C13orf46: variants seen among roughly 807,000 people sequenced by gnomAD.
C13orf46 encodes uncharacterized protein C13orf46.
rs2138976046 is a variant in C13orf46 at position 113,956,350 on chromosome 13, C to T, written c.*423G>A. ...AGTATCTGGTGGAGAGGAGTAGTAT[C>T]TGGTGGAGAGGAGGAGCATCTGGTG... On this transcript the variant is annotated 3_prime_UTR_variant, in exon 7 of 7. Coordinates refer to ENST00000636427, the MANE Select transcript of C13orf46 (RefSeq NM_001365455.2). 1 of 120,592 alleles carries T rather than the reference C, an allele frequency of 8.3e-6. No homozygotes were observed. Among genetic ancestry groups the T allele is most frequent in the South Asian group, 2.4e-4 (1 of 4,128 alleles). The allele number at this position is 120,592 out of a possible 1,614,324, so 7.5% of individuals were successfully genotyped here.
chr13:113,965,440 G>C (rs2052625919), intron 5 of C13orf46, among the ~76,000 whole-genome samples: 1 of 152,220 alleles, frequency 6.6e-6, no homozygotes, highest in Non-Finnish European at 1.5e-5. Context: ...CTACAGCAAA[G>C]ACATGGAGGA....
Position 113,955,110 on chromosome 13 carries a change from G to A in C13orf46, c.*1663C>T. ...GGGATGAGGAGCAGCTGGTGGAGAG[G>A]AGCAGCAGCTGGTGGAGACGAGGAG... On this transcript the variant is annotated 3_prime_UTR_variant, in exon 7 of 7. Coordinates refer to ENST00000636427, the MANE Select transcript of C13orf46 (RefSeq NM_001365455.2). 1 of 237,244 alleles carries A rather than the reference G, an allele frequency of 4.2e-6. No homozygotes were observed. The highest frequency in any genetic ancestry group is 4.4e-5 in the South Asian group (1 of 22,844). 14.7% of individuals were successfully genotyped at this position (237,244 alleles called of 1,614,324 possible).
chr13:113,938,766 G>A, the C13orf46 span, among the ~76,000 whole-genome samples: 2 of 152,184 alleles, frequency 1.3e-5, no homozygotes, highest in Non-Finnish European at 2.9e-5. Flanking sequence ...ACCAGCTGTA[G>A]CTTCTCTCAA....
At chr13:113,947,540 T>C in the C13orf46 span, among the ~76,000 whole-genome samples, 1 of 151,986 alleles carries the variant, frequency 6.6e-6, no homozygotes, top group Non-Finnish European at 1.5e-5. Context: ...TTACCTGAAA[T>C]GATGGCCCAA....
At chr13:113,933,006 A>G in the C13orf46 span, among the ~76,000 whole-genome samples, 1 of 152,118 alleles carries the variant, frequency 6.6e-6, no homozygotes, top group African/African-American at 2.4e-5. Flanking sequence ...CTGGGATTAC[A>G]AGCACATGCC....
At position 113,954,862 on chromosome 13, in the gene C13orf46, TCGTGG is replaced by T; in HGVS notation, c.*1906_*1910del. On this transcript the variant is annotated 3_prime_UTR_variant, in exon 7 of 7. Coordinates refer to ENST00000636427, the MANE Select transcript of C13orf46 (RefSeq NM_001365455.2). The stretch of plus-strand genomic sequence containing the variant: ...GCATCCGGTGGAGATGAGGAGCATC[TCGTGG>T]GGAGGAGGAGCATCTGGCAGAGACG... 1 of 170,118 alleles carries T rather than the reference TCGTGG, an allele frequency of 5.9e-6. No homozygotes were observed. Among genetic ancestry groups the T allele is most frequent in the Non-Finnish European group, 1.2e-5 (1 of 83,466 alleles). 10.5% of individuals were successfully genotyped at this position (170,118 alleles called of 1,614,324 possible). A position where few individuals can be genotyped will look rare whatever the true frequency, so the allele number is the denominator to read the frequency against.
the C13orf46 span, among the ~76,000 whole-genome samples, chr13:113,933,544 C>G: frequency 2.6e-5 from 4 of 152,188 alleles, no homozygotes; most frequent in Admixed American, 2.6e-4. Context: ...AAAAATCCTG[C>G]TGGGATTCTG....
At chr13:113,963,851 CTG>C (rs2052612608) in intron 6 of C13orf46, among the ~76,000 whole-genome samples, 1 of 152,146 alleles carries the variant, frequency 6.6e-6, no homozygotes, top group African/African-American at 2.4e-5. Context: ...GTTAATGTAA[CTG>C]TTGTTTGTTT....
the C13orf46 span, among the ~76,000 whole-genome samples, chr13:113,936,700 A>AAG: frequency 2.6e-5 from 4 of 151,448 alleles, no homozygotes; most frequent in Admixed American, 2.0e-4. Flanking sequence ...GTGGGTAGGC[A>AAG]AGGGCGCTTG....
chr13:113,967,468 T>C (rs2052661222), intron 4 of C13orf46, 80 bp from the exon 5 acceptor site: 1 of 152,312 alleles, frequency 6.6e-6, no homozygotes, highest in South Asian at 2.1e-4. Context: ...GGAGGAACAG[T>C]GGCCCCTGGC....
chr13:113,945,664 GAAAGA>G, the C13orf46 span, among the ~76,000 whole-genome samples: 17 of 135,118 alleles, frequency 1.3e-4, no homozygotes, highest in East Asian at 4.0e-4. Context: ...AAGAAAGAAA[GAAAGA>G]AAGGAAAGAA....
At position 113,956,040 on chromosome 13, in the gene C13orf46, A is replaced by AGAGGAGTAGGATCTGGCG. The variant is rs2052528768; in HGVS notation, c.*732_*733insCGCCAGATCCTACTCCTC. On this transcript the variant is annotated 3_prime_UTR_variant, in exon 7 of 7. Transcript: ENST00000636427. ...GCGGAGAGGAGGAGTAGGATCTGGC[A>AGAGGAGTAGGATCTGGCG]GAGAGGAGTAGGATCTGGCGGAGAG... The AGAGGAGTAGGATCTGGCG allele has an allele frequency of 7.6e-6, 1 of 131,726 alleles. No individual in the cohort carries two copies. The highest frequency in any genetic ancestry group is 7.5e-5 in the Admixed American group (1 of 13,362). 8.2% of individuals were successfully genotyped at this position (131,726 alleles called of 1,614,324 possible).
chr13:113,939,577 A>G, the C13orf46 span, among the ~76,000 whole-genome samples: 1 of 152,162 alleles, frequency 6.6e-6, no homozygotes, highest in Non-Finnish European at 1.5e-5. Context: ...CCTGGTTCAC[A>G]CCTTTTGCAA....
chr13:113,971,548 C>T (rs914016448), intron 1 of C13orf46, among the ~76,000 whole-genome samples: 3 of 152,234 alleles, frequency 2.0e-5, no homozygotes, highest in African/African-American at 4.8e-5. Flanking sequence ...GTGCTCTTGC[C>T]GGCCTCTCTG....
intron 1 of C13orf46, among the ~76,000 whole-genome samples, chr13:113,973,478 C>T (rs1027891518): frequency 4.6e-5 from 7 of 152,172 alleles, no homozygotes; most frequent in African/African-American, 9.7e-5. Flanking sequence ...AAAGGCTGAT[C>T]GAGACCCAAA....
chr13:113,935,450 C>T, the C13orf46 span, among the ~76,000 whole-genome samples: 4 of 152,258 alleles, frequency 2.6e-5, no homozygotes, highest in African/African-American at 7.2e-5. Flanking sequence ...ACAAACAGAG[C>T]CCGGGGTAGC....
intron 1 of C13orf46, among the ~76,000 whole-genome samples, 186 bp downstream of exon 1, chr13:113,973,622 G>A (rs1399665282): frequency 3.9e-5 from 6 of 152,248 alleles, no homozygotes; most frequent in East Asian, 3.9e-4. Flanking sequence ...AATGTATGAC[G>A]TCAGGCCGTG....
chr13:113,951,479 C>T (rs1016664469), downstream of C13orf46, among the ~76,000 whole-genome samples: 9 of 152,200 alleles, frequency 5.9e-5, no homozygotes, highest in East Asian at 1.9e-4. Context: ...TCCCCCCCGC[C>T]GCCACCAACA....
chr13:113,967,494 G>A (rs1201600909), intron 4 of C13orf46, 106 bp from the exon 5 acceptor site: 2 of 152,334 alleles, frequency 1.3e-5, no homozygotes, highest in African/African-American at 4.8e-5. Flanking sequence ...GGGCAGCCGG[G>A]GCAGACCCTG....
Sources: allele counts gnomAD v4.1 joint callset (sites outside exome capture counted in the v4.1 genomes callset), GRCh38; gene constraint gnomAD v4.1.1; transcripts MANE v1.5; gene names NCBI Gene and HGNC (gene_info 2026-07-23, HGNC 2026-07-21).